MARCHF3: variants seen among roughly 807,000 people sequenced by gnomAD.
MARCHF3 encodes the protein membrane associated ring-CH-type finger 3, also known as E3 ubiquitin-protein ligase MARCHF3.
MARCHF3 carries 13 observed loss-of-function variants against 24.2 expected under a neutral mutation model. The observed-to-expected ratio is 0.54, with a 90% confidence interval of 0.35 to 0.85. The LOEUF (loss-of-function observed/expected upper bound fraction) is 0.85, where lower values mean the gene tolerates loss of function less well. MARCHF3 is among the 40% of genes least tolerant of loss of function. The pLI, the probability that MARCHF3 is intolerant of heterozygous loss-of-function variation, is 0.01. For missense variants in MARCHF3, 276 were observed against 325.0 expected (o/e 0.85, Z 1.16); for synonymous variants, 144 against 137.3 (o/e 1.05, Z -0.34).
At chr5:127,011,040 T>C (rs989878117) in intron 1 of MARCHF3, among the ~76,000 whole-genome samples, 8 of 152,246 alleles carry the variant, frequency 5.3e-5, no homozygotes, top group South Asian at 2.1e-4. Flanking sequence ...CACATTTTAC[T>C]GCACAAAAAT....
Position 126,878,218 on chromosome 5 carries a change from G to C in MARCHF3, c.570C>G (p.Val190=). 6.2e-7 allele frequency: 1 copy of C among 1,614,236 alleles called. No homozygotes were observed. Among genetic ancestry groups the C allele is most frequent in the Non-Finnish European group, 8.5e-7 (1 of 1,180,048 alleles). The stretch of plus-strand genomic sequence containing the variant: ...AAAAGAGGTAAATAGTGAAGAGTGC[G>C]ACAGTGAGTGCAATCAGTCCGACGG... ...LEAVGLIALT[V]ALFTIYLFWT... is the part of the protein sequence containing the mutation. Residue 190 remains valine (V), a synonymous_variant, in exon 4 of 5, where the codon GTC becomes GTG. Transcript: ENST00000308660.
intron 1 of MARCHF3, among the ~76,000 whole-genome samples, chr5:127,009,495 G>T (rs1752414250): frequency 6.6e-6 from 1 of 152,120 alleles, no homozygotes; most frequent in South Asian, 2.1e-4. Context: ...ATGAGAAACG[G>T]CTCTTATAAA....
chr5:126,895,315 A>C (rs1225335547), intron 3 of MARCHF3, among the ~76,000 whole-genome samples: 4 of 152,050 alleles, frequency 2.6e-5, no homozygotes, highest in Admixed American at 2.6e-4. Flanking sequence ...CAGCTCCTCA[A>C]AGTCATTCTC....
At chr5:126,990,621 T>C (rs1751722719) in intron 1 of MARCHF3, among the ~76,000 whole-genome samples, 1 of 152,108 alleles carries the variant, frequency 6.6e-6, no homozygotes, top group Non-Finnish European at 1.5e-5. Flanking sequence ...ACCTAGAGAA[T>C]GGGAGAAAAT....
intron 1 of MARCHF3, among the ~76,000 whole-genome samples, chr5:126,971,291 T>C (rs1322498508): frequency 6.6e-6 from 1 of 151,140 alleles, no homozygotes; most frequent in Non-Finnish European, 1.5e-5. Flanking sequence ...CTACTAAAAA[T>C]ACAAAAAATT....
In MARCHF3 at chr5:126,878,227, T is replaced by C; in HGVS notation, c.561A>G (p.Ala187=). The change falls in exon 4 of 5, where the codon GCA becomes GCG. Residue 187 remains alanine (A), a synonymous_variant. Transcript: ENST00000308660. ...AAATAGTGAAGAGTGCGACAGTGAGTGCAATCAGTCCGACGGCTTCCAGCC... is the reference window on the plus strand; with the variant it reads ...AAATAGTGAAGAGTGCGACAGTGAGCGCAATCAGTCCGACGGCTTCCAGCC... The part of the protein sequence containing the change: ...SSRLEAVGLI[A]LTVALFTIYL... 2 of 1,614,118 alleles carry C rather than the reference T, an allele frequency of 1.2e-6. No individual in the cohort carries two copies. The highest frequency in any genetic ancestry group is 1.7e-6 in the Non-Finnish European group (2 of 1,180,012).
chr5:126,992,153 C>G (rs1751786138), intron 1 of MARCHF3, among the ~76,000 whole-genome samples: 2 of 152,332 alleles, frequency 1.3e-5, no homozygotes, highest in South Asian at 4.1e-4. Flanking sequence ...TTTGCGCTCA[C>G]ATTCTGTTAG....
At chr5:127,022,236 A>C (rs529290283) in intron 1 of MARCHF3, among the ~76,000 whole-genome samples, 1 of 152,326 alleles carries the variant, frequency 6.6e-6, no homozygotes, top group Non-Finnish European at 1.5e-5. Context: ...ATCCCATCGG[A>C]AAATCACATT....
At chr5:126,906,739 T>C (rs1754313162) in intron 3 of MARCHF3, among the ~76,000 whole-genome samples, 1 of 152,224 alleles carries the variant, frequency 6.6e-6, no homozygotes, top group South Asian at 2.1e-4. Flanking sequence ...TAGTGGTCTA[T>C]CAATCTTGTT....
chr5:126,875,139 CTT>C (rs1753106071), intron 4 of MARCHF3, among the ~76,000 whole-genome samples: 1 of 152,218 alleles, frequency 6.6e-6, no homozygotes. Flanking sequence ...AGCCAGCTCT[CTT>C]TGTGTCTGTC....
intron 1 of MARCHF3, among the ~76,000 whole-genome samples, chr5:126,939,460 G>C (rs775642428): frequency 6.6e-6 from 1 of 152,060 alleles, no homozygotes; most frequent in African/African-American, 2.4e-5. Flanking sequence ...GGCTGTTCTG[G>C]GTGATCAGCC....
chr5:126,910,100 C>T (rs1467150943), intron 3 of MARCHF3, among the ~76,000 whole-genome samples: 2 of 152,322 alleles, frequency 1.3e-5, no homozygotes, highest in East Asian at 3.9e-4. Flanking sequence ...TGAAAAATCA[C>T]TGTGGCTCCC....
At chr5:126,991,463 G>C (rs1181779029) in intron 1 of MARCHF3, among the ~76,000 whole-genome samples, 3 of 152,008 alleles carry the variant, frequency 2.0e-5, no homozygotes, top group Admixed American at 1.3e-4. Flanking sequence ...TGAGTTGATG[G>C]GTACAGCAAA....
At chr5:126,904,049 T>A (rs896111814) in intron 3 of MARCHF3, among the ~76,000 whole-genome samples, 2 of 149,286 alleles carry the variant, frequency 1.3e-5, no homozygotes, top group Non-Finnish European at 3.0e-5. Context: ...CACCTATGAG[T>A]GAGAATATGC....
At chr5:126,960,534 T>C (rs552576828) in intron 1 of MARCHF3, among the ~76,000 whole-genome samples, 3,391 of 150,000 alleles carry the variant, frequency 0.023, 108 homozygotes, top group African/African-American at 0.081. Context: ...AAAACTTTTC[T>C]TTTTAATTTT....
intron 1 of MARCHF3, among the ~76,000 whole-genome samples, chr5:126,972,731 T>C (rs896598902): frequency 6.6e-6 from 1 of 152,208 alleles, no homozygotes; most frequent in Admixed American, 6.5e-5. Flanking sequence ...AACAACTGCA[T>C]GCTCAAATTT....
At chr5:126,976,966 G>T (rs1428055381) in intron 1 of MARCHF3, among the ~76,000 whole-genome samples, 1 of 152,236 alleles carries the variant, frequency 6.6e-6, no homozygotes, top group African/African-American at 2.4e-5. Flanking sequence ...GAGAAAGGAA[G>T]GTCTATGTAT....
intron 1 of MARCHF3, among the ~76,000 whole-genome samples, chr5:126,939,693 T>G (rs1481612005): frequency 6.6e-6 from 1 of 152,208 alleles, no homozygotes; most frequent in Non-Finnish European, 1.5e-5. Context: ...AGTAGTTATG[T>G]TCTATACATT....
chr5:126,894,720 A>G lies in MARCHF3; in HGVS notation c.394-16326T>C, dbSNP rs1238776243. 3.3e-5 allele frequency among the ~76,000 whole-genome samples: 5 copies of G among 151,744 alleles called. 1 individual carries two copies. The highest frequency in any genetic ancestry group is 3.4e-3 in the Middle Eastern group (1 of 294). On this transcript the variant is annotated intron_variant, in intron 3 of 4. Coordinates refer to ENST00000308660, the MANE Select transcript of MARCHF3 (RefSeq NM_178450.5). ...CCCTTTCTCTCTGGCTGCCCTTAAG[A>G]TTTTTTCCTTCATTTCAACTTTGGT...
Sources: gnomAD v4.1 joint callset for allele counts (sites outside exome capture counted in the v4.1 genomes callset) on GRCh38, gnomAD v4.1.1 for gene constraint, MANE v1.5 for transcripts, NCBI Gene and HGNC (gene_info 2026-07-23, HGNC 2026-07-21) for gene names.